The following CACNB2 variants were observed in gnomAD, a reference collection of about 807,000 sequenced individuals.
CACNB2 encodes the protein voltage-dependent L-type calcium channel subunit beta-2.
A neutral mutation model predicts 73.3 loss-of-function variants in CACNB2; 42 were observed. That is an observed-to-expected ratio of 0.57 (90% CI 0.45 to 0.74). The LOEUF is 0.74. Ranked by LOEUF, CACNB2 falls within the 30% of genes least tolerant of loss-of-function variation. CACNB2 has a pLI of 0.00. For synonymous variants in CACNB2, 348 were observed against 310.3 expected, an observed-to-expected ratio of 1.12 and a Z score of -1.28; for missense variants, 940 against 853.0, an observed-to-expected ratio of 1.10 and a Z score of -1.27.
At chr10:18,413,973 C>T (rs1393354144) in intron 3 of CACNB2, among the ~76,000 whole-genome samples, 1 of 152,196 alleles carries the variant, frequency 6.6e-6, no homozygotes, top group Non-Finnish European at 1.5e-5. Flanking sequence ...GTGTCTTTGC[C>T]TCCTCTGTAG....
chr10:18,291,336 A>C (rs1391441970), intron 2 of CACNB2, among the ~76,000 whole-genome samples: 1 of 152,200 alleles, frequency 6.6e-6, no homozygotes, highest in Admixed American at 6.5e-5. Context: ...TTCTTATTAA[A>C]GCTTGGAGAG....
chr10:18,470,498 G>C (rs1054234429), intron 3 of CACNB2, among the ~76,000 whole-genome samples: 2 of 150,500 alleles, frequency 1.3e-5, no homozygotes, highest in Non-Finnish European at 3.0e-5. Context: ...TGATATACTG[G>C]ATAGACTATG....
intron 3 of CACNB2, among the ~76,000 whole-genome samples, chr10:18,475,749 C>T (rs2048409325): frequency 6.6e-6 from 1 of 152,148 alleles, no homozygotes; most frequent in African/African-American, 2.4e-5. Flanking sequence ...GTCCCCTGTG[C>T]CAGGCACTGT....
At chr10:18,519,639 C>A (rs1384546763) in intron 9 of CACNB2, 1 of 448,292 alleles carries the variant, frequency 2.2e-6, no homozygotes, top group African/African-American at 2.0e-5. Context: ...AACTCCATCA[C>A]CATGTAAAAA....
intron 2 of CACNB2, among the ~76,000 whole-genome samples, chr10:18,217,822 C>A (rs2035574791): frequency 6.6e-6 from 1 of 151,904 alleles, no homozygotes; most frequent in South Asian, 2.1e-4. Context: ...GGAAGGGGAA[C>A]CAGGCCAGTT....
chr10:18,470,669 C>G (rs943656039), intron 3 of CACNB2, among the ~76,000 whole-genome samples: 1 of 152,054 alleles, frequency 6.6e-6, no homozygotes, highest in African/African-American at 2.4e-5. Context: ...TCACCAGATC[C>G]TATTACGCTA....
intron 2 of CACNB2, among the ~76,000 whole-genome samples, chr10:18,177,533 C>T (rs974661125): frequency 1.0e-4 from 15 of 149,406 alleles, no homozygotes; most frequent in Non-Finnish European, 1.8e-4. Context: ...GAGCTGAGAT[C>T]ACGCCACGGC....
In CACNB2 at chr10:18,518,988, G is replaced by A. The variant is rs760513979; in HGVS notation, c.944+20G>A. On this transcript the variant is annotated intron_variant, in intron 9 of 13. Transcript: ENST00000324631. ...AGGGCGGTGAGTATTTCAGCATACT[G>A]GGTTTTGTGGATTTTGTCTTAAAGA... 2.5e-5 allele frequency: 41 copies of A among 1,611,294 alleles called. No homozygotes were observed. The Admixed American group carries it at 6.7e-4, about 26-fold the overall frequency.
At chr10:18,241,339 T>A (rs2099367710) in intron 2 of CACNB2, among the ~76,000 whole-genome samples, 1 of 152,100 alleles carries the variant, frequency 6.6e-6, no homozygotes, top group Admixed American at 6.5e-5. Context: ...TACATTTAAG[T>A]GGTGAAAAAG....
intron 2 of CACNB2, among the ~76,000 whole-genome samples, chr10:18,316,813 C>T (rs568788443): frequency 1.3e-5 from 2 of 152,272 alleles, no homozygotes; most frequent in East Asian, 1.9e-4. Flanking sequence ...AAATAAGTGG[C>T]TTCCTCCAGG....
At chr10:18,208,909 G>A (rs2035208307) in intron 2 of CACNB2, among the ~76,000 whole-genome samples, 1 of 152,114 alleles carries the variant, frequency 6.6e-6, no homozygotes, top group Non-Finnish European at 1.5e-5. Context: ...ATGAACCCAG[G>A]GCGATGTTGA....
chr10:18,208,471 G>T (rs554628096), intron 2 of CACNB2, among the ~76,000 whole-genome samples: 2 of 152,022 alleles, frequency 1.3e-5, no homozygotes, highest in Non-Finnish European at 2.9e-5. Context: ...AATTAGTGGG[G>T]TGTGGTGGTG....
intron 3 of CACNB2, among the ~76,000 whole-genome samples, chr10:18,438,183 A>ATTTTTTTTTTTTTT (rs372226267): frequency 5.3e-5 from 5 of 93,964 alleles, no homozygotes; most frequent in African/African-American, 4.3e-5. Flanking sequence ...ACACCTGGCG[A>ATTTTTTTTTTTTTT]TTTTTTTTTT....
At chr10:18,180,748 C>T (rs1307334508) in intron 2 of CACNB2, among the ~76,000 whole-genome samples, 1 of 152,010 alleles carries the variant, frequency 6.6e-6, no homozygotes, top group Non-Finnish European at 1.5e-5. Flanking sequence ...CGGCGGATCA[C>T]GAGGTCAGGA....
intron 3 of CACNB2, among the ~76,000 whole-genome samples, chr10:18,488,319 C>T (rs975913074): frequency 1.9e-4 from 28 of 151,010 alleles, no homozygotes; most frequent in African/African-American, 5.1e-4. Context: ...ACTAAAAATA[C>T]AGAAAATTAG....
intron 2 of CACNB2, among the ~76,000 whole-genome samples, chr10:18,361,170 T>C (rs1253798883): frequency 2.0e-5 from 3 of 152,014 alleles, no homozygotes; most frequent in African/African-American, 7.2e-5. Context: ...TCTCCTCTAC[T>C]TCCCGGGCTC....
At chr10:18,470,904 T>C (rs1198775106) in intron 3 of CACNB2, among the ~76,000 whole-genome samples, 1 of 152,170 alleles carries the variant, frequency 6.6e-6, no homozygotes, top group Non-Finnish European at 1.5e-5. Context: ...GGTATGAATG[T>C]ATGAGCCAAG....
intron 2 of CACNB2, among the ~76,000 whole-genome samples, chr10:18,219,658 C>T (rs1378649968): frequency 6.6e-6 from 1 of 152,042 alleles, no homozygotes; most frequent in African/African-American, 2.4e-5. Flanking sequence ...TGGGGAAATT[C>T]AACTGTTATA....
At chr10:18,271,933 A>G (rs1415379757) in intron 2 of CACNB2, among the ~76,000 whole-genome samples, 2 of 152,138 alleles carry the variant, frequency 1.3e-5, no homozygotes, top group African/African-American at 2.4e-5. Flanking sequence ...TATGTAACCT[A>G]CCCTGATTTC....
Sources: gnomAD v4.1 joint callset for allele counts (sites outside exome capture counted in the v4.1 genomes callset) on GRCh38, gnomAD v4.1.1 for gene constraint, MANE v1.5 for transcripts, NCBI Gene and HGNC (gene_info 2026-07-23, HGNC 2026-07-21) for gene names.